BACH2: variants seen among roughly 807,000 people sequenced by gnomAD.
BACH2 encodes transcription regulator protein BACH2.
In BACH2, 5 loss-of-function variants were observed where a neutral mutation model predicts 61.8. The observed-to-expected ratio is 0.08, with a 90% CI of 0.04 to 0.17. The LOEUF is 0.17. BACH2 is among the 10% of genes least tolerant of loss of function. The pLI, the probability that BACH2 is intolerant of heterozygous loss-of-function variation, is 1.00. For synonymous variants in BACH2, 446 were observed against 440.1 expected, an observed-to-expected ratio of 1.01 and a Z score of -0.17; for missense variants, 824 against 1,091.1, an observed-to-expected ratio of 0.76 and a Z score of 3.45.
chr6:90,135,898 T>A (rs1784255953), intron 4 of BACH2, among the ~76,000 whole-genome samples: 2 of 152,218 alleles, frequency 1.3e-5, no homozygotes, highest in East Asian at 1.9e-4. Flanking sequence ...CTCTGACCCT[T>A]TCCACTGCCG....
intron 8 of BACH2, among the ~76,000 whole-genome samples, chr6:89,937,057 T>A (rs1331043109): frequency 1.3e-5 from 2 of 151,978 alleles, no homozygotes; most frequent in African/African-American, 4.8e-5. Flanking sequence ...TAGTTTATGG[T>A]TGCTTATCAA....
At chr6:89,999,030 A>G (rs1776995717) in intron 6 of BACH2, among the ~76,000 whole-genome samples, 1 of 152,234 alleles carries the variant, frequency 6.6e-6, no homozygotes, top group African/African-American at 2.4e-5. Flanking sequence ...AAAAGACAGA[A>G]CAAAAACTGA....
intron 4 of BACH2, among the ~76,000 whole-genome samples, chr6:90,132,326 C>T (rs1189617884): frequency 1.3e-5 from 2 of 152,186 alleles, no homozygotes; most frequent in Admixed American, 6.5e-5. Context: ...ACCCCCTAAA[C>T]AGCTTTGATC....
At chr6:89,933,331 A>G (rs1772795718) in intron 8 of BACH2, among the ~76,000 whole-genome samples, 1 of 152,202 alleles carries the variant, frequency 6.6e-6, no homozygotes, top group Non-Finnish European at 1.5e-5. Context: ...GACATTTCGA[A>G]AAAAGCAAAA....
chr6:90,014,468 A>T (rs917247047), intron 5 of BACH2, among the ~76,000 whole-genome samples: 818 of 32,240 alleles, frequency 0.025, 30 homozygotes, highest in East Asian at 0.054. Context: ...ATATATATAT[A>T]TTTTTTTTTT....
rs947642407 is a variant in BACH2, at chr6:90,271,851, G to C, written c.-355C>G. On this transcript the variant is annotated splice_region_variant and 5_prime_UTR_variant, in exon 2 of 9. Coordinates refer to ENST00000257749, the MANE Select transcript of BACH2 (RefSeq NM_021813.4). ...CCAAGCTGAGGTCCTTGCCTCACCTGCTGTGCTTCAAGGGCTCATCAGCTT... is the reference window on the plus strand; with the variant it reads ...CCAAGCTGAGGTCCTTGCCTCACCTCCTGTGCTTCAAGGGCTCATCAGCTT... The C allele has an allele frequency of 6.6e-6, 1 of 152,384 alleles. No individual in the cohort carries two copies. The highest frequency in any genetic ancestry group is 1.5e-5 in the Non-Finnish European group (1 of 68,050). 9.4% of individuals were successfully genotyped at this position (152,384 alleles called of 1,614,324 possible).
At chr6:90,088,771 T>G (rs1782034207) in intron 5 of BACH2, among the ~76,000 whole-genome samples, 190 bp downstream of exon 5, 1 of 152,034 alleles carries the variant, frequency 6.6e-6, no homozygotes, top group Non-Finnish European at 1.5e-5. Context: ...TGATTCAAGC[T>G]GAAATTTAAG....
intron 4 of BACH2, among the ~76,000 whole-genome samples, chr6:90,185,425 C>T (rs1306631519): frequency 1.3e-5 from 2 of 152,044 alleles, no homozygotes; most frequent in Non-Finnish European, 2.9e-5. Flanking sequence ...GTGAAAAAAG[C>T]ACAGGGCAAA....
At chr6:90,212,647 A>G (rs1485694316) in intron 3 of BACH2, among the ~76,000 whole-genome samples, 1 of 152,228 alleles carries the variant, frequency 6.6e-6, no homozygotes, top group East Asian at 1.9e-4. Context: ...AGCATCAACA[A>G]CAGCCTTCCT....
chr6:90,023,364 AGTT>A (rs888758634), intron 5 of BACH2, among the ~76,000 whole-genome samples: 6 of 151,904 alleles, frequency 3.9e-5, no homozygotes, highest in African/African-American at 1.5e-4. Context: ...CATAAGACGT[AGTT>A]GTTTAAAAAG....
chr6:90,285,702 C>A (rs1352334267), intron 1 of BACH2, among the ~76,000 whole-genome samples: 1 of 152,198 alleles, frequency 6.6e-6, no homozygotes, highest in Non-Finnish European at 1.5e-5. Flanking sequence ...GACCACAGAT[C>A]TGAAAATAGC....
At chr6:90,289,111 A>T (rs1772108059) in intron 1 of BACH2, among the ~76,000 whole-genome samples, 1 of 152,220 alleles carries the variant, frequency 6.6e-6, no homozygotes, top group East Asian at 1.9e-4. Context: ...CTGAGAAATT[A>T]TTTTTTAACT....
intron 5 of BACH2, among the ~76,000 whole-genome samples, chr6:90,034,923 T>C (rs377371297): frequency 7.9e-5 from 12 of 152,042 alleles, no homozygotes; most frequent in African/African-American, 2.7e-4. Context: ...TTACAGCTAA[T>C]CAAAGAAAGA....
At chr6:90,283,605 G>A (rs1351040269) in intron 1 of BACH2, among the ~76,000 whole-genome samples, 2 of 152,020 alleles carry the variant, frequency 1.3e-5, no homozygotes, top group South Asian at 2.1e-4. Flanking sequence ...CCGATCTCCT[G>A]ACCTCGTGAT....
chr6:90,073,294 G>C (rs1030479264), intron 5 of BACH2, among the ~76,000 whole-genome samples: 9 of 152,340 alleles, frequency 5.9e-5, no homozygotes, highest in Admixed American at 4.6e-4. Flanking sequence ...CTGACTCTGC[G>C]AGAATCTAAT....
chr6:90,194,917 G>T (rs912535140), intron 4 of BACH2, among the ~76,000 whole-genome samples: 1 of 152,144 alleles, frequency 6.6e-6, no homozygotes, highest in Non-Finnish European at 1.5e-5. Context: ...GTTTCGAAGA[G>T]AAAAACTGTA....
chr6:89,967,096 C>T (rs995064378), intron 6 of BACH2, among the ~76,000 whole-genome samples: 3 of 152,082 alleles, frequency 2.0e-5, no homozygotes, highest in Non-Finnish European at 4.4e-5. Context: ...TTCTGTGGGG[C>T]TGAAACACGC....
In BACH2 at chr6:89,932,325, GA is replaced by G. The variant is rs1772702503; in HGVS notation, c.*82del. On this transcript the variant is annotated 3_prime_UTR_variant, in exon 9 of 9. Transcript: ENST00000257749. ...CCAAATGTGTTCTCGGTTTCTTCGG[GA>G]CAGCAGATGAACAGTGCCACAGGCT... 6.6e-7 allele frequency: 1 copy of G among 1,522,842 alleles called. No individual in the cohort carries two copies. Among genetic ancestry groups the G allele is most frequent in the Admixed American group, 1.8e-5 (1 of 55,094 alleles). 94.3% of individuals were successfully genotyped at this position (1,522,842 alleles called of 1,614,324 possible).
At chr6:90,249,244 T>A (rs962867376) in intron 3 of BACH2, among the ~76,000 whole-genome samples, 2 of 152,114 alleles carry the variant, frequency 1.3e-5, no homozygotes, top group African/African-American at 4.8e-5. Context: ...AAAGGAGAGA[T>A]GTGCTCTTGC....
Sources: gnomAD v4.1 joint callset for allele counts (sites outside exome capture counted in the v4.1 genomes callset) on GRCh38, gnomAD v4.1.1 for gene constraint, MANE v1.5 for transcripts, NCBI Gene and HGNC (gene_info 2026-07-23, HGNC 2026-07-21) for gene names.